Variants in ST6GAL2 observed in about 807,000 individuals in gnomAD.
ST6GAL2 encodes ST6 beta-galactoside alpha-2,6-sialyltransferase 2, also known as beta-galactoside alpha-2,6-sialyltransferase 2.
ST6GAL2 carries 24 observed loss-of-function variants against 37.5 expected under a neutral mutation model. The observed-to-expected ratio is 0.64, with a 90% CI of 0.46 to 0.90. ST6GAL2 has a LOEUF of 0.90. ST6GAL2 is among the 40% of genes least tolerant of loss of function. The pLI is 0.00. For missense variants in ST6GAL2, 715 were observed against 712.7 expected (o/e 1.00, Z -0.04); for synonymous variants, 306 against 295.1 (o/e 1.04, Z -0.38).
chr2:106,859,504 T>G (rs1249349025), intron 1 of ST6GAL2, among the ~76,000 whole-genome samples: 1 of 152,234 alleles, frequency 6.6e-6, no homozygotes, highest in East Asian at 1.9e-4. Flanking sequence ...TATTCTTCTT[T>G]CCTTCCTTAG....
chr2:106,814,152 T>C (rs1031871788), intron 5 of ST6GAL2, among the ~76,000 whole-genome samples: 1 of 152,212 alleles, frequency 6.6e-6, no homozygotes, highest in Non-Finnish European at 1.5e-5. Context: ...AATTTTTAGC[T>C]CATTTACACT....
chr2:106,842,398 T>C (rs1676923307), intron 2 of ST6GAL2, among the ~76,000 whole-genome samples: 1 of 152,202 alleles, frequency 6.6e-6, no homozygotes, highest in African/African-American at 2.4e-5. Flanking sequence ...CCCTGGTAGG[T>C]GCACTGGCAG....
At chr2:106,808,595 C>T (rs759798521) in intron 5 of ST6GAL2, among the ~76,000 whole-genome samples, 8 of 152,036 alleles carry the variant, frequency 5.3e-5, no homozygotes, top group Non-Finnish European at 8.8e-5. Context: ...TTCAGGCATT[C>T]GGGTGGCACC....
chr2:106,864,641 A>G (rs905094152), intron 1 of ST6GAL2, among the ~76,000 whole-genome samples: 1 of 152,206 alleles, frequency 6.6e-6, no homozygotes, highest in Non-Finnish European at 1.5e-5. Flanking sequence ...ATTACACCTC[A>G]GATCAGTTTC....
At chr2:106,867,514 A>G (rs1465586302) in intron 1 of ST6GAL2, among the ~76,000 whole-genome samples, 1 of 152,220 alleles carries the variant, frequency 6.6e-6, no homozygotes, top group African/African-American at 2.4e-5. Flanking sequence ...GGCAAAGCCT[A>G]TGATTTTGGA....
intron 1 of ST6GAL2, among the ~76,000 whole-genome samples, chr2:106,882,597 C>T (rs1678799241): frequency 1.3e-5 from 2 of 152,302 alleles, no homozygotes; most frequent in South Asian, 4.1e-4. Flanking sequence ...TTTGTGGAAT[C>T]TCACACCAGA....
At chr2:106,837,701 C>T (rs1392715505) in intron 2 of ST6GAL2, among the ~76,000 whole-genome samples, 1 of 152,200 alleles carries the variant, frequency 6.6e-6, no homozygotes, top group Admixed American at 6.5e-5. Flanking sequence ...ACAGCCTACC[C>T]AAGGGCCTCA....
At chr2:106,845,504 C>T (rs147110541) in intron 1 of ST6GAL2, among the ~76,000 whole-genome samples, 2 of 152,276 alleles carry the variant, frequency 1.3e-5, no homozygotes, top group Non-Finnish European at 2.9e-5. Flanking sequence ...AAATGTGTGA[C>T]CCCCACGATC....
intron 1 of ST6GAL2, among the ~76,000 whole-genome samples, chr2:106,856,658 A>G (rs868510149): frequency 1.3e-5 from 2 of 152,196 alleles, no homozygotes; most frequent in Middle Eastern, 3.2e-3. Flanking sequence ...GATGAGAAAA[A>G]TGAGTGACAG....
intron 1 of ST6GAL2, among the ~76,000 whole-genome samples, chr2:106,870,488 G>A (rs1558726561): frequency 6.6e-6 from 1 of 152,056 alleles, no homozygotes; most frequent in Non-Finnish European, 1.5e-5. Flanking sequence ...GAGAGTACAC[G>A]TTCTCAAGGA....
At chr2:106,833,752 G>C (rs1280213246) in intron 3 of ST6GAL2, among the ~76,000 whole-genome samples, 1 of 151,804 alleles carries the variant, frequency 6.6e-6, no homozygotes, top group Admixed American at 6.6e-5. Context: ...ACTTTTGTCA[G>C]TTCACAAAAT....
At chr2:106,844,762 T>C (rs1412340834) in intron 1 of ST6GAL2, among the ~76,000 whole-genome samples, 2 of 151,996 alleles carry the variant, frequency 1.3e-5, no homozygotes, top group African/African-American at 2.4e-5. Flanking sequence ...AAACTTGAAA[T>C]AGGAGGAGAG....
At chr2:106,872,442 A>C (rs1442830955) in intron 1 of ST6GAL2, among the ~76,000 whole-genome samples, 3 of 152,144 alleles carry the variant, frequency 2.0e-5, no homozygotes, top group Non-Finnish European at 4.4e-5. Flanking sequence ...AGTCCTTTTA[A>C]GTTGCTTATG....
In ST6GAL2 at chr2:106,813,894, A is replaced by G. The variant is rs766457758; in HGVS notation, c.1319-6945T>C. Among the ~76,000 whole-genome samples, 3 of 152,352 alleles carry G rather than the reference A, an allele frequency of 2.0e-5. No homozygotes were observed. The South Asian group carries it at 6.2e-4, about 32-fold the overall frequency. On this transcript the variant is annotated intron_variant, in intron 5 of 5. Transcript: ENST00000409382. ...GGGGTGAGGGTGAAAGGCTAAGTGTATTAAATATGCCAGACTAACAGAACT... is the reference window on the plus strand; with the variant it reads ...GGGGTGAGGGTGAAAGGCTAAGTGTGTTAAATATGCCAGACTAACAGAACT...
intron 3 of ST6GAL2, among the ~76,000 whole-genome samples, 195 bp from the exon 4 acceptor site, chr2:106,832,861 T>A (rs1676479492): frequency 6.6e-6 from 1 of 152,136 alleles, no homozygotes; most frequent in African/African-American, 2.4e-5. Flanking sequence ...AATTACTTTT[T>A]TTTAAAAAAA....
rs779283660 is a variant in ST6GAL2, at chr2:106,863,237, T to C, written c.-57-19203A>G. Among the ~76,000 whole-genome samples the C allele has an allele frequency of 1.4e-4, 21 of 152,324 alleles. 1 individual carries two copies. Among genetic ancestry groups the C allele is most frequent in the Middle Eastern group, 3.4e-3 (1 of 294 alleles). On this transcript the variant is annotated intron_variant, in intron 1 of 5. Coordinates refer to ENST00000409382, the MANE Select transcript of ST6GAL2 (RefSeq NM_001142351.2). ...GGCTCACGTTTGCTCTCTTGTTCTCTGTCATTAAGTGATGGAAAGGGACCG... is the reference window on the plus strand; with the variant it reads ...GGCTCACGTTTGCTCTCTTGTTCTCCGTCATTAAGTGATGGAAAGGGACCG...
At chr2:106,814,040 T>C (rs1293555611) in intron 5 of ST6GAL2, among the ~76,000 whole-genome samples, 1 of 152,158 alleles carries the variant, frequency 6.6e-6, no homozygotes, top group African/African-American at 2.4e-5. Flanking sequence ...TAGAAAATAT[T>C]TGTAACTAAA....
At chr2:106,841,988 T>A (rs1259008194) in intron 2 of ST6GAL2, among the ~76,000 whole-genome samples, 2 of 152,196 alleles carry the variant, frequency 1.3e-5, no homozygotes, top group Non-Finnish European at 2.9e-5. Context: ...GATTAACAGT[T>A]AAATCACTAG....
At chr2:106,840,973 C>T (rs1201217350) in intron 2 of ST6GAL2, among the ~76,000 whole-genome samples, 2 of 152,148 alleles carry the variant, frequency 1.3e-5, no homozygotes. Context: ...TATTTCACCC[C>T]GGGGACCTCT....
Sources: gnomAD v4.1 joint callset for allele counts (sites outside exome capture counted in the v4.1 genomes callset) on GRCh38, gnomAD v4.1.1 for gene constraint, MANE v1.5 for transcripts, NCBI Gene and HGNC (gene_info 2026-07-23, HGNC 2026-07-21) for gene names.